The following SNX14 variants were observed in gnomAD, a reference collection of about 807,000 sequenced individuals.
SNX14 encodes sorting nexin-14.
Under a neutral mutation model 133.8 loss-of-function variants are expected in SNX14, and 93 were observed. That is an observed-to-expected ratio of 0.70 (90% CI 0.59 to 0.83). The LOEUF is 0.83. SNX14 is among the 40% of genes least tolerant of loss of function. SNX14 has a pLI of 0.00. For synonymous variants in SNX14, 368 were observed against 365.6 expected (o/e 1.01, Z -0.07); for missense variants, 945 against 1,094.9 (o/e 0.86, Z 1.93).
rs1162122928 is a variant in SNX14 at position 85,539,976 on chromosome 6, T to TTTTATTTTATTTTAC, written c.1449-1113_1449-1112insGTAAAATAAAATAAA. Among the ~76,000 whole-genome samples, 290 of 147,074 alleles carry TTTTATTTTATTTTAC rather than the reference T, an allele frequency of 2.0e-3. 4 individuals carry two copies. The highest frequency in any genetic ancestry group is 7.3e-3 in the African/African-American group (276 of 38,050). ...TTTTATTTTATTTTATTTTATTTTA[T>TTTTATTTTATTTTAC]TTTAATTGAGGCGGAGTCTTAGTTG... On this transcript the variant is annotated intron_variant, in intron 15 of 28. Coordinates refer to ENST00000314673, the MANE Select transcript of SNX14 (RefSeq NM_153816.6).
intron 6 of SNX14, among the ~76,000 whole-genome samples, chr6:85,561,033 T>TAAA (rs75735977): frequency 1.0e-5 from 1 of 97,824 alleles, no homozygotes; most frequent in Non-Finnish European, 2.1e-5. Context: ...GACTCCATCT[T>TAAA]AAAAAAAAAA....
At chr6:85,585,008 A>C (rs1800216631) in intron 1 of SNX14, among the ~76,000 whole-genome samples, 1 of 152,250 alleles carries the variant, frequency 6.6e-6, no homozygotes, top group African/African-American at 2.4e-5. Flanking sequence ...CGAAATGCCC[A>C]TCAGTGATAG....
intron 18 of SNX14, among the ~76,000 whole-genome samples, chr6:85,531,736 A>C (rs943544148): frequency 1.3e-5 from 2 of 152,188 alleles, no homozygotes; most frequent in African/African-American, 4.8e-5. Flanking sequence ...TTTAAAATAC[A>C]AGCTTTTGGC....
intron 1 of SNX14, among the ~76,000 whole-genome samples, chr6:85,592,182 T>A (rs1027975501): frequency 1.3e-5 from 2 of 152,182 alleles, no homozygotes; most frequent in African/African-American, 4.8e-5. Flanking sequence ...CATCTCACCA[T>A]CACAGAGCAC....
Position 85,514,219 on chromosome 6 carries a change from T to C in SNX14, c.2408A>G (p.Gln803Arg), listed in dbSNP as rs1317535036. 6.2e-7 allele frequency: 1 copy of C among 1,611,842 alleles called. No individual in the cohort carries two copies. The highest frequency in any genetic ancestry group is 8.5e-7 in the Non-Finnish European group (1 of 1,179,338). Residue 803 changes from glutamine to arginine, a missense_variant, in exon 25 of 29, where the codon CAG becomes CGG. By Grantham distance (43) the Gln-to-Arg change is conservative (BLOSUM62 1). Around this residue, in one of 3 missense-constraint regions of SNX14, gnomAD observed 412 missense variants for 516.6 expected, o/e 0.80. Transcript: ENST00000314673. ...YLMYVGRVVF[Q>R]VPDWLHHLLM... ...GAGATGATGAAGCCAGTCAGGAACC[T>C]GGAAAACTACCCGTCCTGAGAAAGG...
At chr6:85,581,423 C>G (rs1269994148) in intron 1 of SNX14, 1 of 152,186 alleles carries the variant, frequency 6.6e-6, no homozygotes, top group African/African-American at 2.4e-5. Flanking sequence ...ATAAATAACT[C>G]TTCAATACCC....
intron 23 of SNX14, among the ~76,000 whole-genome samples, chr6:85,514,990 C>T (rs1028276507): frequency 6.6e-6 from 1 of 151,994 alleles, no homozygotes; most frequent in Non-Finnish European, 1.5e-5. Context: ...TTAGGCCAGG[C>T]GCAGTGGCTC....
chr6:85,513,666 A>G lies in SNX14; in HGVS notation c.2653+134T>C. On this transcript the variant is annotated intron_variant, in intron 26 of 28. Coordinates refer to ENST00000314673, the MANE Select transcript of SNX14 (RefSeq NM_153816.6). ...AAAGAATTATTTAACTAGTGTGTTAATTTTAACTGATCTTTGCAACTATTT... is the reference window on the plus strand; with the variant it reads ...AAAGAATTATTTAACTAGTGTGTTAGTTTTAACTGATCTTTGCAACTATTT... The G allele has an allele frequency of 6.1e-6, 4 of 650,590 alleles. No homozygotes were observed. The Admixed American group carries it at 9.4e-5, about 15-fold the overall frequency. The allele number at this position is 650,590 out of a possible 1,614,324, so 40.3% of individuals were successfully genotyped here. A position where few individuals can be genotyped will look rare whatever the true frequency, so the allele number is the denominator to read the frequency against.
At chr6:85,584,391 G>A (rs1371281547) in intron 1 of SNX14, among the ~76,000 whole-genome samples, 1 of 152,122 alleles carries the variant, frequency 6.6e-6, no homozygotes, top group African/African-American at 2.4e-5. Flanking sequence ...AGCCAAAATT[G>A]ACAAATGGGA....
At chr6:85,542,973 G>A (rs1488456055) in intron 14 of SNX14, among the ~76,000 whole-genome samples, 2 of 152,036 alleles carry the variant, frequency 1.3e-5, no homozygotes, top group Admixed American at 1.3e-4. Flanking sequence ...TCACCATGTT[G>A]GCCAGGTTGG....
At chr6:85,571,586 C>G (rs1170797511) in intron 4 of SNX14, among the ~76,000 whole-genome samples, 1 of 152,138 alleles carries the variant, frequency 6.6e-6, no homozygotes, top group Non-Finnish European at 1.5e-5. Context: ...TCCTTGCCTT[C>G]AAGGACTTGA....
rs770020089 is a variant in SNX14 at position 85,533,746 on chromosome 6, T to C, written c.1663A>G (p.Thr555Ala). ...GCAAGGTTTCGGGGAGTATTAGGTG[T>C]GCTCACAGCCTCCACTGGAGAATCA... The part of the protein sequence containing the change: ...EDDSPVEAVS[T>A]PNTPRNLAAW... The change falls in exon 18 of 29, where the codon ACA becomes GCA. Residue 555 changes from threonine to alanine, a missense_variant. Thr to Ala is a moderately conservative substitution (Grantham distance 58, BLOSUM62 0). Around this residue, in one of 3 missense-constraint regions of SNX14, gnomAD observed 412 missense variants for 516.6 expected, o/e 0.80. Coordinates refer to ENST00000314673, the MANE Select transcript of SNX14 (RefSeq NM_153816.6). The C allele has an allele frequency of 6.2e-7, 1 of 1,614,044 alleles. No homozygotes were observed. Among genetic ancestry groups the C allele is most frequent in the South Asian group, 1.1e-5 (1 of 91,076 alleles).
intron 1 of SNX14, among the ~76,000 whole-genome samples, chr6:85,591,409 A>G (rs1279122896): frequency 6.6e-6 from 1 of 152,228 alleles, no homozygotes; most frequent in Non-Finnish European, 1.5e-5. Context: ...TGACTACAGC[A>G]GTAACAAATG....
intron 7 of SNX14, among the ~76,000 whole-genome samples, chr6:85,552,194 A>G (rs4707214): frequency 0.91 from 136,565 of 150,712 alleles, 62,157 homozygotes; most frequent in East Asian, 1. Flanking sequence ...CCGCCACTAC[A>G]CCCGGCTAAT....
At chr6:85,591,870 G>A (rs1048126506) in intron 1 of SNX14, among the ~76,000 whole-genome samples, 2 of 152,076 alleles carry the variant, frequency 1.3e-5, no homozygotes, top group South Asian at 2.1e-4. Context: ...AAAAGTAGCC[G>A]GGCATGGTGG....
intron 7 of SNX14, among the ~76,000 whole-genome samples, chr6:85,556,974 G>GA (rs943061492): frequency 1.3e-5 from 2 of 152,020 alleles, no homozygotes; most frequent in South Asian, 2.1e-4. Context: ...TATGTGGGGG[G>GA]AAAAAATGGT....
intron 9 of SNX14, 137 bp from the exon 10 acceptor site, chr6:85,547,687 A>G: frequency 3.0e-6 from 2 of 677,686 alleles, no homozygotes; most frequent in South Asian, 2.5e-5. Flanking sequence ...AAATCTGCAC[A>G]TATGTATTAC....
chr6:85,508,680 T>C (rs1029905135), intron 26 of SNX14, among the ~76,000 whole-genome samples: 1 of 152,142 alleles, frequency 6.6e-6, no homozygotes, highest in African/African-American at 2.4e-5. Flanking sequence ...TTGGGAAATA[T>C]AACAAATATT....
At position 85,531,211 on chromosome 6, in the gene SNX14, T is replaced by A. The variant is rs901161191; in HGVS notation, c.1811-936A>T. 2.6e-5 allele frequency among the ~76,000 whole-genome samples: 4 copies of A among 152,256 alleles called. No homozygotes were observed. In the East Asian group the frequency reaches 5.8e-4, roughly 22 times the overall value. On this transcript the variant is annotated intron_variant, in intron 18 of 28. Coordinates refer to ENST00000314673, the MANE Select transcript of SNX14 (RefSeq NM_153816.6). ...AGAGTAAGTCTGGAATCAGACTGCC[T>A]GTTCTAATCCCAGTTAACCCCACCC...
Sources: gnomAD v4.1 joint callset for allele counts (sites outside exome capture counted in the v4.1 genomes callset) on GRCh38, gnomAD v4.1.1 for gene constraint, gnomAD v4.1.1 regional missense constraint, MANE v1.5 for transcripts, NCBI Gene and HGNC (gene_info 2026-07-23, HGNC 2026-07-21) for gene names.